MAGI2: variants seen among roughly 807,000 people sequenced by gnomAD.
MAGI2 encodes the protein membrane-associated guanylate kinase, WW and PDZ domain-containing protein 2.
MAGI2 carries 35 observed loss-of-function variants against 133.3 expected under a neutral mutation model. The observed-to-expected ratio is 0.26, with a 90% CI of 0.20 to 0.35. MAGI2 has a LOEUF of 0.35. Among genes scored for constraint, MAGI2 ranks in the 10% least tolerant of loss-of-function variants. MAGI2 has a pLI of 1.00. For missense variants in MAGI2, 1,636 were observed against 1,863.4 expected, an observed-to-expected ratio of 0.88 and a Z score of 2.25; for synonymous variants, 729 against 710.6, an observed-to-expected ratio of 1.03 and a Z score of -0.41.
At chr7:78,091,687 A>G (rs1423831620) in intron 20 of MAGI2, among the ~76,000 whole-genome samples, 2 of 152,172 alleles carry the variant, frequency 1.3e-5, no homozygotes, top group Admixed American at 1.3e-4. Flanking sequence ...TAATTCCAAC[A>G]CCCAGAGCTC....
intron 6 of MAGI2, among the ~76,000 whole-genome samples, chr7:78,413,226 T>C (rs1364493948): frequency 6.6e-6 from 1 of 152,156 alleles, no homozygotes; most frequent in Non-Finnish European, 1.5e-5. Flanking sequence ...GACTCTGATC[T>C]GTGTAAAGAC....
intron 1 of MAGI2, among the ~76,000 whole-genome samples, chr7:79,274,639 T>C (rs905453646): frequency 6.6e-6 from 1 of 151,956 alleles, no homozygotes; most frequent in Admixed American, 6.6e-5. Context: ...CTAAAATGCA[T>C]ACTTTCTTTA....
At chr7:78,813,277 A>C (rs1789233475) in intron 2 of MAGI2, among the ~76,000 whole-genome samples, 2 of 152,218 alleles carry the variant, frequency 1.3e-5, no homozygotes, top group South Asian at 4.1e-4. Flanking sequence ...TCATTAATAT[A>C]GATGTGAAAA....
At chr7:78,580,938 G>A (rs6977342) in intron 3 of MAGI2, among the ~76,000 whole-genome samples, 4,377 of 152,198 alleles carry the variant, frequency 0.029, 235 homozygotes, top group African/African-American at 0.1. Flanking sequence ...AAATGCAGAT[G>A]ACGACAGATC....
At chr7:78,566,948 A>G (rs1230942138) in intron 3 of MAGI2, among the ~76,000 whole-genome samples, 2 of 152,188 alleles carry the variant, frequency 1.3e-5, no homozygotes, top group African/African-American at 4.8e-5. Context: ...TTAGATATGG[A>G]AAGTAATCAA....
intron 1 of MAGI2, among the ~76,000 whole-genome samples, chr7:79,287,063 G>T (rs1836062603): frequency 2.0e-5 from 3 of 152,068 alleles, no homozygotes. Flanking sequence ...AATAAATGGT[G>T]CAGGAGTTTC....
chr7:78,221,773 G>A (rs758570055), intron 10 of MAGI2, among the ~76,000 whole-genome samples: 14 of 151,620 alleles, frequency 9.2e-5, no homozygotes, highest in African/African-American at 2.4e-4. Context: ...TGAAAGGATC[G>A]TTTAAAGCCA....
intron 1 of MAGI2, among the ~76,000 whole-genome samples, chr7:79,447,731 A>T (rs1052020586): frequency 9.9e-5 from 15 of 151,972 alleles, no homozygotes; most frequent in Non-Finnish European, 1.9e-4. Context: ...AGTACCATAA[A>T]ATACTATAAA....
At chr7:78,786,161 T>C (rs1288515301) in intron 2 of MAGI2, among the ~76,000 whole-genome samples, 8 of 151,914 alleles carry the variant, frequency 5.3e-5, no homozygotes, top group Non-Finnish European at 1.2e-4. Context: ...AAAAAAACCT[T>C]AGTATCATCC....
At chr7:79,315,765 A>G (rs1838676602) in intron 1 of MAGI2, among the ~76,000 whole-genome samples, 1 of 152,164 alleles carries the variant, frequency 6.6e-6, no homozygotes, top group African/African-American at 2.4e-5. Context: ...CAGAGAGATG[A>G]AAAGAGGAGG....
chr7:78,506,505 G>T (rs1795099985), intron 4 of MAGI2, among the ~76,000 whole-genome samples: 1 of 152,188 alleles, frequency 6.6e-6, no homozygotes, highest in Admixed American at 6.5e-5. Flanking sequence ...GCTGTCTGAT[G>T]AACTTCAACA....
chr7:78,274,580 G>T (rs888572892), intron 9 of MAGI2, among the ~76,000 whole-genome samples: 1 of 152,026 alleles, frequency 6.6e-6, no homozygotes. Context: ...GGAGATGGGG[G>T]TTTTATCTAT....
At chr7:78,610,653 A>G (rs1207917108) in intron 3 of MAGI2, among the ~76,000 whole-genome samples, 1 of 152,234 alleles carries the variant, frequency 6.6e-6, no homozygotes, top group Non-Finnish European at 1.5e-5. Flanking sequence ...AATTTTCCAA[A>G]GAGAATATGG....
At chr7:78,176,415 T>C (rs1398372298) in intron 14 of MAGI2, among the ~76,000 whole-genome samples, 1 of 152,112 alleles carries the variant, frequency 6.6e-6, no homozygotes, top group Non-Finnish European at 1.5e-5. Context: ...GCCCTCATCC[T>C]TGGAGTATAA....
At chr7:78,855,103 A>C (rs1240970473) in intron 2 of MAGI2, among the ~76,000 whole-genome samples, 2 of 152,096 alleles carry the variant, frequency 1.3e-5, no homozygotes, top group African/African-American at 4.8e-5. Context: ...TTTACTTAAA[A>C]AATATTTTTG....
At chr7:78,119,312 G>A (rs1056846273) in intron 20 of MAGI2, among the ~76,000 whole-genome samples, 1 of 152,154 alleles carries the variant, frequency 6.6e-6, no homozygotes, top group Non-Finnish European at 1.5e-5. Context: ...GTAAATCCCA[G>A]CACTTTGGGA....
intron 2 of MAGI2, among the ~76,000 whole-genome samples, chr7:78,869,678 C>T (rs1033186527): frequency 6.6e-6 from 1 of 152,174 alleles, no homozygotes; most frequent in Non-Finnish European, 1.5e-5. Context: ...GCAAGGAAAA[C>T]TGCTTTATGA....
chr7:79,363,652 A>G (rs1429725667), intron 1 of MAGI2, among the ~76,000 whole-genome samples: 2 of 150,774 alleles, frequency 1.3e-5, no homozygotes, highest in Non-Finnish European at 1.5e-5. Flanking sequence ...TAGTAATGAT[A>G]TTCTGAACAT....
chr7:78,613,500 A>C (rs1466042432), intron 3 of MAGI2, among the ~76,000 whole-genome samples: 2 of 152,228 alleles, frequency 1.3e-5, no homozygotes, highest in African/African-American at 4.8e-5. Flanking sequence ...CTAGGATATA[A>C]AGTTGAACTA....
Sources: allele counts gnomAD v4.1 joint callset (sites outside exome capture counted in the v4.1 genomes callset), GRCh38; gene constraint gnomAD v4.1.1; transcripts MANE v1.5; gene names NCBI Gene and HGNC (gene_info 2026-07-23, HGNC 2026-07-21).